Variants in AK3 observed in about 807,000 individuals in gnomAD.
AK3 encodes GTP:AMP phosphotransferase AK3, mitochondrial.
Under a neutral mutation model 23.7 loss-of-function variants are expected in AK3, and 27 were observed. The ratio of observed to expected loss-of-function variants is 1.14; its 90% CI spans 0.84 to 1.57. The LOEUF (loss-of-function observed/expected upper bound fraction) is 1.57, where lower values mean the gene tolerates loss of function less well. Ranked by LOEUF, AK3 falls within the 40% of genes most tolerant of loss-of-function variation. AK3 has a pLI of 0.00. For missense variants in AK3, 406 were observed against 285.6 expected (o/e 1.42, Z -3.04); for synonymous variants, 159 against 116.0 (o/e 1.37, Z -2.38).
intron 2 of AK3, among the ~76,000 whole-genome samples, chr9:4,721,662 T>C (rs964690699): frequency 2.6e-5 from 4 of 152,110 alleles, no homozygotes; most frequent in Non-Finnish European, 5.9e-5. Context: ...TTTCACCATG[T>C]TGGCCAGGCT....
Position 4,709,858 on chromosome 9 carries a change from A to G in AK3, c.*3118T>C, listed in dbSNP as rs892757283. 2 of 152,162 alleles carry G rather than the reference A, an allele frequency of 1.3e-5. No homozygotes were observed. Among genetic ancestry groups the G allele is most frequent in the African/African-American group, 4.8e-5 (2 of 41,442 alleles). The allele number at this position is 152,162 out of a possible 1,614,324, so 9.4% of individuals were successfully genotyped here. On this transcript the variant is annotated 3_prime_UTR_variant, in exon 5 of 5. Transcript: ENST00000381809. ...ATTTTTTGGTCAATGAGAAGACACA[A>G]CATATTCTAAAATACAAATTCTTGC... is the stretch of plus-strand genomic sequence containing the variant.
chr9:4,739,300 C>T (rs919952728), intron 1 of AK3, among the ~76,000 whole-genome samples: 1 of 151,740 alleles, frequency 6.6e-6, no homozygotes. Context: ...AAGCGATTCT[C>T]TCTCCTCAGC....
At chr9:4,737,696 G>T (rs1043240113) in intron 1 of AK3, among the ~76,000 whole-genome samples, 1 of 152,144 alleles carries the variant, frequency 6.6e-6, no homozygotes, top group African/African-American at 2.4e-5. Flanking sequence ...TCCAGCCTGG[G>T]CGACAGAGTG....
At chr9:4,739,065 G>C (rs1411662224) in intron 1 of AK3, among the ~76,000 whole-genome samples, 1 of 151,678 alleles carries the variant, frequency 6.6e-6, no homozygotes, top group Non-Finnish European at 1.5e-5. Context: ...GAGCCATTGC[G>C]CCAGGCCTAC....
chr9:4,720,425 T>C (rs542791201), intron 2 of AK3, among the ~76,000 whole-genome samples: 1 of 152,202 alleles, frequency 6.6e-6, no homozygotes, highest in Non-Finnish European at 1.5e-5. Context: ...GGCTCACACC[T>C]GTAATCTCAG....
At chr9:4,724,107 G>A (rs1488803634) in intron 1 of AK3, among the ~76,000 whole-genome samples, 1 of 152,170 alleles carries the variant, frequency 6.6e-6, no homozygotes, top group Non-Finnish European at 1.5e-5. Flanking sequence ...TGTGCTGCTG[G>A]ATTTGCAGAC....
In AK3 at chr9:4,713,020, T is replaced by G; in HGVS notation, c.640A>C (p.Thr214Pro). ...IWPYVYAFLQ[T>P]KVPQRSQKAS... ...TTCTGGCTTCTTTGTGGAACTTTAGTTTGTAGGAAAGCATATACATAGGGC... is the reference window on the plus strand; with the variant it reads ...TTCTGGCTTCTTTGTGGAACTTTAGGTTGTAGGAAAGCATATACATAGGGC... Residue 214 changes from threonine to proline, a missense_variant, in exon 5 of 5, where the codon ACT becomes CCT. Physicochemically the swap from Thr to Pro is conservative, Grantham distance 38. Transcript: ENST00000381809. The G allele has an allele frequency of 6.2e-7, 1 of 1,613,808 alleles. No individual in the cohort carries two copies. The highest frequency in any genetic ancestry group is 8.5e-7 in the Non-Finnish European group (1 of 1,179,802).
intron 2 of AK3, among the ~76,000 whole-genome samples, chr9:4,719,932 G>T (rs773172270): frequency 2.0e-5 from 3 of 148,790 alleles, no homozygotes; most frequent in African/African-American, 7.5e-5. Flanking sequence ...TGGCATGATG[G>T]CAGGTCCCTG....
chr9:4,719,121 C>G lies in AK3; in HGVS notation c.444+14G>C. 2 of 1,611,662 alleles carry G rather than the reference C, an allele frequency of 1.2e-6. No individual in the cohort carries two copies. The highest frequency in any genetic ancestry group is 1.7e-6 in the Non-Finnish European group (2 of 1,179,702). ...GACAGTCTGCTATGTGACAGTTCCACAACAACTACTCACCACAGTTTTGGG... is the reference window on the plus strand; with the variant it reads ...GACAGTCTGCTATGTGACAGTTCCAGAACAACTACTCACCACAGTTTTGGG... On this transcript the variant is annotated intron_variant, in intron 3 of 4. Coordinates refer to ENST00000381809, the MANE Select transcript of AK3 (RefSeq NM_016282.4).
At chr9:4,728,117 T>C (rs1842059804) in intron 1 of AK3, among the ~76,000 whole-genome samples, 1 of 152,164 alleles carries the variant, frequency 6.6e-6, no homozygotes, top group African/African-American at 2.4e-5. Flanking sequence ...ATTTTAAATA[T>C]TGCAAAAGTT....
chr9:4,724,903 T>C (rs1841986721), intron 1 of AK3, among the ~76,000 whole-genome samples: 1 of 152,066 alleles, frequency 6.6e-6, no homozygotes, highest in South Asian at 2.1e-4. Flanking sequence ...TTTTAACAAA[T>C]GCTCCTGGGA....
At position 4,711,294 on chromosome 9, in the gene AK3, T is replaced by G. The variant is rs867400208; in HGVS notation, c.*1682A>C. 5.9e-5 allele frequency: 9 copies of G among 152,682 alleles called. No homozygotes were observed. The highest frequency in any genetic ancestry group is 1.3e-4 in the Non-Finnish European group (9 of 68,044). The allele number at this position is 152,682 out of a possible 1,614,324, so 9.5% of individuals were successfully genotyped here. A position where few individuals can be genotyped will look rare whatever the true frequency, so the allele number is the denominator to read the frequency against. On this transcript the variant is annotated 3_prime_UTR_variant, in exon 5 of 5. Coordinates refer to ENST00000381809, the MANE Select transcript of AK3 (RefSeq NM_016282.4). ...TAGCCACAGTTATGAAATTTCATTT[T>G]ATTCTGATAAAGACTAATATATGCT...
At chr9:4,727,413 C>T (rs1842044274) in intron 1 of AK3, among the ~76,000 whole-genome samples, 1 of 152,208 alleles carries the variant, frequency 6.6e-6, no homozygotes, top group South Asian at 2.1e-4. Flanking sequence ...GCAGCTTCTA[C>T]ATCAGCACTT....
At chr9:4,719,573 C>G (rs1587641450) in intron 2 of AK3, among the ~76,000 whole-genome samples, 1 of 152,130 alleles carries the variant, frequency 6.6e-6, no homozygotes, top group African/African-American at 2.4e-5. Flanking sequence ...ATGAAATTAT[C>G]ATGTAAATAG....
chr9:4,736,046 C>T (rs928037370), intron 1 of AK3, among the ~76,000 whole-genome samples: 7 of 144,568 alleles, frequency 4.8e-5, no homozygotes, highest in African/African-American at 1.6e-4. Context: ...ACGTGGGAGG[C>T]GGAGGTTACA....
chr9:4,716,718 G>A (rs865965103), intron 4 of AK3, among the ~76,000 whole-genome samples: 16 of 152,182 alleles, frequency 1.1e-4, no homozygotes, highest in Admixed American at 9.2e-4. Flanking sequence ...GTTGCCTGAA[G>A]CCAGGAGTTT....
In AK3 at chr9:4,724,502, G is replaced by A. The variant is rs7036255; in HGVS notation, c.152-1877C>T. Among the ~76,000 whole-genome samples, 5 of 152,078 alleles carry A rather than the reference G, an allele frequency of 3.3e-5. No homozygotes were observed. In the East Asian group the frequency reaches 9.6e-4, roughly 29 times the overall value. ...ATACAATATTAGAGATTCTAGCCAA[G>A]GCAATTAGTCCAGAAAAAGAAATAG... On this transcript the variant is annotated intron_variant, in intron 1 of 4. Coordinates refer to ENST00000381809, the MANE Select transcript of AK3 (RefSeq NM_016282.4).
At chr9:4,722,050 G>C (rs1260145115) in intron 2 of AK3, among the ~76,000 whole-genome samples, 1 of 152,138 alleles carries the variant, frequency 6.6e-6, no homozygotes, top group Non-Finnish European at 1.5e-5. Context: ...TGAAGAAAAG[G>C]CTTATCCCAA....
At chr9:4,735,354 T>TATATATATACACAAATAA (rs1842255397) in intron 1 of AK3, among the ~76,000 whole-genome samples, 1 of 21,084 alleles carries the variant, frequency 4.7e-5, no homozygotes, top group African/African-American at 1.6e-4. Context: ...CATATATAAA[T>TATATATATACACAAATAA]ATATATATAC....
Sources: gnomAD v4.1 joint callset for allele counts (sites outside exome capture counted in the v4.1 genomes callset) on GRCh38, gnomAD v4.1.1 for gene constraint, MANE v1.5 for transcripts, NCBI Gene and HGNC (gene_info 2026-07-23, HGNC 2026-07-21) for gene names.